The following JARID2 variants were observed in gnomAD, a reference collection of about 807,000 sequenced individuals.
JARID2 encodes the protein protein Jumonji.
In JARID2, 21 loss-of-function variants were observed where a neutral mutation model predicts 125.6. That is an observed-to-expected ratio of 0.17 (90% CI 0.12 to 0.24). JARID2 has a LOEUF of 0.24. JARID2 is among the 10% of genes least tolerant of loss of function. JARID2 has a pLI of 1.00. For missense variants in JARID2, 1,303 were observed against 1,639.6 expected (o/e 0.79, Z 3.55); for synonymous variants, 736 against 661.6 (o/e 1.11, Z -1.73).
At chr6:15,288,896 C>T (rs976016321) in intron 1 of JARID2, among the ~76,000 whole-genome samples, 1 of 152,222 alleles carries the variant, frequency 6.6e-6, no homozygotes, top group African/African-American at 2.4e-5. Flanking sequence ...ACCCTTAAAG[C>T]AGCTAGTAAG....
chr6:15,439,162 G>A (rs552535498), intron 3 of JARID2, among the ~76,000 whole-genome samples: 2 of 152,266 alleles, frequency 1.3e-5, no homozygotes, highest in East Asian at 3.9e-4. Context: ...CCTGGTGCAA[G>A]AGGACTCAGT....
At chr6:15,285,628 G>A (rs924866761) in intron 1 of JARID2, among the ~76,000 whole-genome samples, 2 of 152,098 alleles carry the variant, frequency 1.3e-5, no homozygotes, top group African/African-American at 2.4e-5. Flanking sequence ...GCTTTCATGC[G>A]TGGACTTTGA....
chr6:15,248,385 G>A (rs1054092965), intron 1 of JARID2: 3 of 141,524 alleles, frequency 2.1e-5, no homozygotes, highest in Non-Finnish European at 4.7e-5. Flanking sequence ...TGGGGCGCGG[G>A]GGTGGCGCGG....
intron 5 of JARID2, among the ~76,000 whole-genome samples, chr6:15,482,864 G>A (rs1469728581): frequency 6.6e-6 from 1 of 152,144 alleles, no homozygotes; most frequent in South Asian, 2.1e-4. Flanking sequence ...CCCATGCACT[G>A]TTTTGTAGCA....
intron 2 of JARID2, chr6:15,400,772 C>T (rs111533212): frequency 7.1e-4 from 695 of 984,454 alleles, no homozygotes; most frequent in Non-Finnish European, 8.0e-4. Flanking sequence ...CCCTCCCCCT[C>T]GGCCCCATTG....
intron 1 of JARID2, among the ~76,000 whole-genome samples, chr6:15,315,723 GT>G (rs1257235476): frequency 6.6e-6 from 1 of 152,180 alleles, no homozygotes; most frequent in African/African-American, 2.4e-5. Context: ...GCCCAATTCT[GT>G]TTTTTCAAGT....
intron 16 of JARID2, among the ~76,000 whole-genome samples, chr6:15,516,579 A>G (rs957540202): frequency 6.6e-6 from 1 of 152,162 alleles, no homozygotes; most frequent in Non-Finnish European, 1.5e-5. Context: ...GGAATCTGTG[A>G]TGTTGAGGGT....
intron 3 of JARID2, among the ~76,000 whole-genome samples, chr6:15,420,210 C>G (rs781640526): frequency 6.6e-6 from 1 of 152,134 alleles, no homozygotes; most frequent in Non-Finnish European, 1.5e-5. Context: ...CAAGACCTTC[C>G]TGGCCAACAT....
intron 1 of JARID2, among the ~76,000 whole-genome samples, chr6:15,340,576 C>T (rs1763033768): frequency 6.6e-6 from 1 of 152,150 alleles, no homozygotes; most frequent in African/African-American, 2.4e-5. Flanking sequence ...TGGAGAAACC[C>T]ATGAGGTGAT....
At chr6:15,327,552 C>T (rs7766164) in intron 1 of JARID2, among the ~76,000 whole-genome samples, 1,981 of 143,252 alleles carry the variant, frequency 0.014, 41 homozygotes, top group African/African-American at 0.048. Flanking sequence ...TGTGTGTGTG[C>T]GCGTGTGTGT....
intron 2 of JARID2, among the ~76,000 whole-genome samples, chr6:15,387,997 A>G (rs1329146398): frequency 6.6e-6 from 1 of 152,178 alleles, no homozygotes; most frequent in African/African-American, 2.4e-5. Flanking sequence ...GGGTCACCAG[A>G]TAGGGCTTCC....
At chr6:15,447,755 G>C (rs1273872017) in intron 3 of JARID2, among the ~76,000 whole-genome samples, 1 of 152,254 alleles carries the variant, frequency 6.6e-6, no homozygotes, top group Non-Finnish European at 1.5e-5. Flanking sequence ...CTCCCCTGGA[G>C]GGCTGAGGCC....
At chr6:15,467,254 AC>A (rs765519907) in intron 4 of JARID2, among the ~76,000 whole-genome samples, 1 of 152,172 alleles carries the variant, frequency 6.6e-6, no homozygotes, top group Non-Finnish European at 1.5e-5. Flanking sequence ...AATGGTTTTA[AC>A]TGTGTGTTTA....
intron 3 of JARID2, among the ~76,000 whole-genome samples, chr6:15,432,452 C>G (rs201464300): frequency 4.9e-4 from 2 of 4,072 alleles, no homozygotes; most frequent in South Asian, 0.016. Flanking sequence ...CCTTCAAAAA[C>G]AACAACAACA....
chr6:15,405,664 TGGTC>T (rs1765619652), intron 2 of JARID2, among the ~76,000 whole-genome samples: 1 of 151,794 alleles, frequency 6.6e-6, no homozygotes, highest in Admixed American at 6.6e-5. Context: ...AGGTTTGTGT[TGGTC>T]GGGGTGGGGG....
chr6:15,418,744 C>T (rs938523698), intron 3 of JARID2, among the ~76,000 whole-genome samples: 1 of 151,960 alleles, frequency 6.6e-6, no homozygotes, highest in African/African-American at 2.4e-5. Context: ...TGTAAAGAAT[C>T]ATTGGAAGTG....
intron 1 of JARID2, among the ~76,000 whole-genome samples, chr6:15,266,235 T>G (rs1760078009): frequency 1.3e-5 from 2 of 152,184 alleles, no homozygotes. Flanking sequence ...TGGGGATCCT[T>G]GTATGGCCCC....
Position 15,468,528 on chromosome 6 carries a change from TC to T in JARID2, c.494-13del. ...AAGGCCTGTGTTTATGAGCTGTTTT[TC>T]TTATTCCACCAGGTTCTCCTGCGCT... On this transcript the variant is annotated splice_polypyrimidine_tract_variant and intron_variant, in intron 4 of 17. Transcript: ENST00000341776. The T allele has an allele frequency of 6.2e-7, 1 of 1,606,802 alleles. No homozygotes were observed. The highest frequency in any genetic ancestry group is 8.5e-7 in the Non-Finnish European group (1 of 1,175,832).
chr6:15,292,195 G>A lies in JARID2; in HGVS notation c.45+45611G>A, dbSNP rs563448485. ...CCTCGCCCGGCTAATTTTTTTTTTTGTATTTTTAGTAGAGACGGGGTTTCA... is the reference window on the plus strand; with the variant it reads ...CCTCGCCCGGCTAATTTTTTTTTTTATATTTTTAGTAGAGACGGGGTTTCA... On this transcript the variant is annotated intron_variant, in intron 1 of 17. Transcript: ENST00000341776. Among the ~76,000 whole-genome samples, 22 of 150,330 alleles carry A rather than the reference G, an allele frequency of 1.5e-4. 1 individual carries two copies. In the South Asian group the frequency reaches 4.4e-3, roughly 30 times the overall value.
Sources: gnomAD v4.1 joint callset for allele counts (sites outside exome capture counted in the v4.1 genomes callset) on GRCh38, gnomAD v4.1.1 for gene constraint, MANE v1.5 for transcripts, NCBI Gene and HGNC (gene_info 2026-07-23, HGNC 2026-07-21) for gene names.